PSIP1: variants seen among roughly 807,000 people sequenced by gnomAD.
PSIP1 encodes PC4 and SRSF1 interacting protein 1.
In PSIP1, 19 loss-of-function variants were observed where a neutral mutation model predicts 74.7. The observed-to-expected ratio is 0.25, with a 90% CI of 0.18 to 0.37. PSIP1 has a LOEUF of 0.37. Ranked by LOEUF, PSIP1 falls within the 10% of genes least tolerant of loss-of-function variation. The probability of loss-of-function intolerance (pLI) is 1.00; values close to 1 mark genes in which losing one functional copy is unlikely to be tolerated. For missense variants in PSIP1, 601 were observed against 614.3 expected, an observed-to-expected ratio of 0.98 and a Z score of 0.23; for synonymous variants, 222 against 195.3, an observed-to-expected ratio of 1.14 and a Z score of -1.14.
intron 3 of PSIP1, among the ~76,000 whole-genome samples, chr9:15,500,693 G>C (rs1050140974): frequency 6.6e-6 from 1 of 151,984 alleles, no homozygotes; most frequent in Non-Finnish European, 1.5e-5. Context: ...TAAATTAGAC[G>C]GGTTTTAAAA....
At chr9:15,475,319 C>T (rs1022986903) in intron 8 of PSIP1, among the ~76,000 whole-genome samples, 2 of 152,036 alleles carry the variant, frequency 1.3e-5, no homozygotes, top group Admixed American at 6.6e-5. Flanking sequence ...TTGCTTTCTT[C>T]AGGATTTCCA....
At chr9:15,502,395 A>G (rs1159258360) in intron 3 of PSIP1, among the ~76,000 whole-genome samples, 1 of 152,202 alleles carries the variant, frequency 6.6e-6, no homozygotes, top group East Asian at 1.9e-4. Context: ...GGCCAACTGT[A>G]TATGAAGAGT....
intron 3 of PSIP1, among the ~76,000 whole-genome samples, chr9:15,493,004 G>A (rs2036906897): frequency 6.6e-6 from 1 of 152,184 alleles, no homozygotes; most frequent in African/African-American, 2.4e-5. Flanking sequence ...GAGAGGGGCT[G>A]CCAGGAAGGT....
rs1442336642 is a variant in PSIP1 at position 15,469,922 on chromosome 9, A to G, written c.1033+16T>C. 4 of 1,593,998 alleles carry G rather than the reference A, an allele frequency of 2.5e-6. No homozygotes were observed. The highest frequency in any genetic ancestry group is 3.3e-5 in the Admixed American group (2 of 59,856). ...CATGTATAATTTTATGTATCTTAGAAAGTGAAATAACTAACCTCGCTTCTT... is the reference window on the plus strand; with the variant it reads ...CATGTATAATTTTATGTATCTTAGAGAGTGAAATAACTAACCTCGCTTCTT... On this transcript the variant is annotated intron_variant, in intron 11 of 15. Transcript: ENST00000380733.
chr9:15,502,757 G>A (rs887239151), intron 3 of PSIP1, among the ~76,000 whole-genome samples: 8 of 152,196 alleles, frequency 5.3e-5, no homozygotes, highest in Non-Finnish European at 1.0e-4. Context: ...GCTTCAGTAA[G>A]AATTGAGTCT....
At chr9:15,498,458 C>G (rs943847911) in intron 3 of PSIP1, among the ~76,000 whole-genome samples, 1 of 150,890 alleles carries the variant, frequency 6.6e-6, no homozygotes, top group African/African-American at 2.4e-5. Context: ...AAGATATGCT[C>G]AAGACTGATG....
intron 9 of PSIP1, among the ~76,000 whole-genome samples, chr9:15,473,671 T>C (rs906520314): frequency 4.0e-5 from 6 of 151,790 alleles, no homozygotes; most frequent in African/African-American, 1.5e-4. Flanking sequence ...GAGGCCAAGG[T>C]GGGAGGTTCA....
chr9:15,483,933 G>A (rs2036444902), intron 6 of PSIP1, among the ~76,000 whole-genome samples: 1 of 152,028 alleles, frequency 6.6e-6, no homozygotes. Flanking sequence ...TTTGAGACCA[G>A]CCTGGCCACC....
At chr9:15,476,300 T>G (rs1169236920) in intron 8 of PSIP1, among the ~76,000 whole-genome samples, 3 of 152,174 alleles carry the variant, frequency 2.0e-5, no homozygotes, top group Non-Finnish European at 2.9e-5. Flanking sequence ...ATGTAGTCAC[T>G]TGCTTTAGGG....
intron 3 of PSIP1, among the ~76,000 whole-genome samples, chr9:15,502,817 T>C (rs1350399364): frequency 1.3e-5 from 2 of 152,332 alleles, no homozygotes; most frequent in Admixed American, 1.3e-4. Flanking sequence ...AGGTTTAAAA[T>C]ATCTAGTACA....
chr9:15,474,329 A>G lies in PSIP1; in HGVS notation c.630-92T>C. ...GCTATAATTTTTAATTTAAAGGCAA[A>G]TCTAAAACAAAGTAAAAAGAGTGTC... On this transcript the variant is annotated intron_variant, in intron 8 of 15. Transcript: ENST00000380733. The G allele has an allele frequency of 6.2e-6, 7 of 1,131,062 alleles. No homozygotes were observed. The South Asian group carries it at 1.2e-4, about 19-fold the overall frequency. 70.1% of individuals were successfully genotyped at this position (1,131,062 alleles called of 1,614,324 possible). A position where few individuals can be genotyped will look rare whatever the true frequency, so the allele number is the denominator to read the frequency against.
At chr9:15,485,537 A>G (rs1367482617) in intron 6 of PSIP1, among the ~76,000 whole-genome samples, 25 of 152,214 alleles carry the variant, frequency 1.6e-4, no homozygotes, top group Admixed American at 2.0e-4. Flanking sequence ...GGAAAATTTC[A>G]TATTAATTAA....
chr9:15,490,151 G>T, intron 3 of PSIP1, 27 bp from the exon 4 acceptor site: 1 of 1,546,630 alleles, frequency 6.5e-7, no homozygotes, highest in Non-Finnish European at 8.7e-7. Context: ...GAAGATGTGA[G>T]TGCAAAGCAA....
chr9:15,504,967 T>TA, intron 3 of PSIP1: 1 of 149,914 alleles, frequency 6.7e-6, no homozygotes, highest in East Asian at 1.9e-4. Flanking sequence ...ACTTTTTTTT[T>TA]TTTTTTTTTT....
rs200518129 is a variant in PSIP1 at position 15,465,477 on chromosome 9, T to C, written c.*43A>G. ...AGCAGTCTATTTCAAATGAAAACCA[T>C]TACAAACTTCTCAAGTGTTCTCTAT... On this transcript the variant is annotated 3_prime_UTR_variant, in exon 16 of 16. Transcript: ENST00000380733. 288 of 1,460,400 alleles carry C rather than the reference T, an allele frequency of 2.0e-4. No individual in the cohort carries two copies. The African/African-American group carries it at 3.7e-3, about 19-fold the overall frequency. The allele number at this position is 1,460,400 out of a possible 1,614,324, so 90.5% of individuals were successfully genotyped here. A position where few individuals can be genotyped will look rare whatever the true frequency, so the allele number is the denominator to read the frequency against.
chr9:15,502,014 G>A (rs905540740), intron 3 of PSIP1, among the ~76,000 whole-genome samples: 1 of 151,964 alleles, frequency 6.6e-6, no homozygotes, highest in African/African-American at 2.4e-5. Flanking sequence ...CAGATCAGTG[G>A]CAGCATTAGA....
intron 14 of PSIP1, 62 bp downstream of exon 14, chr9:15,468,567 TA>T: frequency 6.5e-7 from 1 of 1,539,432 alleles, no homozygotes; most frequent in Non-Finnish European, 9.0e-7. Flanking sequence ...AAGCCATTTT[TA>T]AAAGCAGTCC....
chr9:15,500,334 G>A (rs753629689), intron 3 of PSIP1, among the ~76,000 whole-genome samples: 3 of 151,960 alleles, frequency 2.0e-5, no homozygotes, highest in African/African-American at 4.8e-5. Context: ...GTGTGGTGGC[G>A]AGCGCCTGTA....
At chr9:15,466,359 C>A (rs1165403188) in intron 15 of PSIP1, among the ~76,000 whole-genome samples, 1 of 150,892 alleles carries the variant, frequency 6.6e-6, no homozygotes, top group Non-Finnish European at 1.5e-5. Flanking sequence ...GCCTGAGCAA[C>A]AAGAGTGAAA....
Sources: allele counts gnomAD v4.1 joint callset (sites outside exome capture counted in the v4.1 genomes callset), GRCh38; gene constraint gnomAD v4.1.1; transcripts MANE v1.5; gene names NCBI Gene and HGNC (gene_info 2026-07-23, HGNC 2026-07-21).